The following GPM6B variants were observed in gnomAD, a reference collection of about 807,000 sequenced individuals.
GPM6B encodes neuronal membrane glycoprotein M6-b.
In GPM6B, 4 loss-of-function variants were observed where a neutral mutation model predicts 27.2. That is an observed-to-expected ratio of 0.15 (90% confidence interval 0.07 to 0.34). The LOEUF (loss-of-function observed/expected upper bound fraction) is 0.34. Ranked by LOEUF, GPM6B falls within the 10% of genes least tolerant of loss-of-function variation. The probability of loss-of-function intolerance (pLI) is 1.00; values close to 1 mark genes in which losing one functional copy is unlikely to be tolerated. For missense variants in GPM6B, 183 were observed against 261.9 expected (o/e 0.70, Z 2.08); for synonymous variants, 124 against 103.1 (o/e 1.20, Z -1.23).
chrX:13,819,669 G>A (rs1223778736), upstream of GPM6B, among the ~76,000 whole-genome samples: 1 of 111,735 alleles, frequency 8.9e-6, no homozygotes, highest in Non-Finnish European at 1.9e-5. Context: ...AACCTCCCTA[G>A]TGCCAACATC....
chrX:13,771,734 A>C lies in GPM6B; in HGVS notation c.*1147T>G, dbSNP rs182022757. The C allele has an allele frequency of 1.8e-5, 2 of 112,603 alleles. No individual in the cohort carries two copies. Among genetic ancestry groups the C allele is most frequent in the African/African-American group, 6.4e-5 (2 of 31,023 alleles). The allele number at this position is 112,603 out of a possible 1,213,427, so 9.3% of individuals were successfully genotyped here. On this transcript the variant is annotated 3_prime_UTR_variant, in exon 8 of 8. Transcript: ENST00000316715. ...TCACTTAATGTTCTGGAACACAATA[A>C]TGTAAAAGGCAAGTTTCTTTTGAAA... is the stretch of plus-strand genomic sequence containing the variant.
chrX:13,924,391 C>T (rs1921072289), intron 1 of GPM6B, among the ~76,000 whole-genome samples: 1 of 111,470 alleles, frequency 9.0e-6, no homozygotes, highest in African/African-American at 3.3e-5. Context: ...CCTTGATCTA[C>T]TAGGCTCAAG....
chrX:13,831,177 T>TACACACACACACAC lies in GPM6B; in HGVS notation c.-197-45383_-197-45370dup, dbSNP rs536337642. 5.6e-4 allele frequency among the ~76,000 whole-genome samples: 46 copies of TACACACACACACAC among 81,624 alleles called. 1 individual carries two copies. The highest frequency in any genetic ancestry group is 2.0e-3 in the African/African-American group (43 of 21,291). 70.9% of individuals were successfully genotyped at this position (81,624 alleles called of 115,157 possible). On this transcript the variant is annotated intron_variant, in intron 1 of 6. Transcript: ENST00000398361. The stretch of plus-strand genomic sequence containing the variant: ...AGTAAAGGGATGTAGAAGAGCTCAG[T>TACACACACACACAC]ACACACACACACACACACACACACA...
chrX:13,870,990 C>T (rs1487031469), intron 1 of GPM6B, among the ~76,000 whole-genome samples: 1 of 110,321 alleles, frequency 9.1e-6, no homozygotes, highest in African/African-American at 3.3e-5. Context: ...TCACTTGGGC[C>T]CAGGAGGTTG....
At position 13,789,699 on chromosome X, in the gene GPM6B, C is replaced by T. The variant is rs189648521; in HGVS notation, c.182-3891G>A. ...CTGAGGCAGGAGAATGGCGTGAACC[C>T]GGAAGGCGGAGGGTGCAGTGAGCCG... On this transcript the variant is annotated intron_variant, in intron 2 of 7. Coordinates refer to ENST00000316715, the MANE Select transcript of GPM6B (RefSeq NM_001001995.3). 5.7e-3 allele frequency among the ~76,000 whole-genome samples: 635 copies of T among 111,283 alleles called. 6 individuals are homozygous for T. Among genetic ancestry groups the T allele is most frequent in the African/African-American group, 0.02 (615 of 30,659 alleles).
Position 13,785,755 on chromosome X carries a change from C to A in GPM6B, c.235G>T (p.Val79Leu), listed in dbSNP as rs753788703. 8.3e-7 allele frequency: 1 copy of A among 1,211,144 alleles called. No homozygotes were observed. Residue 79 changes from valine to leucine, a missense_variant, in exon 3 of 8, where the codon GTG becomes TTG. By Grantham distance (32) the Val-to-Leu change is conservative (BLOSUM62 1). Coordinates refer to ENST00000316715, the MANE Select transcript of GPM6B (RefSeq NM_001001995.3). ...CCGGAGAAGCAGAGGATGGTGGCCA[C>A]CAGGGAGGCGTAGGGGACTCCTCCC... ...CLGGVPYASL[V>L]ATILCFSGVA...
chrX:13,874,937 TC>T (rs71876153), intron 1 of GPM6B, among the ~76,000 whole-genome samples: 21,951 of 97,330 alleles, frequency 0.23, 2,163 homozygotes, highest in East Asian at 0.78. Flanking sequence ...CACATACCAA[TC>T]CCCCCCCCAC....
At chrX:13,911,755 C>T (rs1311866300) in intron 1 of GPM6B, among the ~76,000 whole-genome samples, 1 of 112,148 alleles carries the variant, frequency 8.9e-6, no homozygotes, top group African/African-American at 3.2e-5. Context: ...CAAGCTTGAG[C>T]TCTGTGATCT....
chrX:13,907,879 C>T (rs2050344643), intron 1 of GPM6B, among the ~76,000 whole-genome samples: 1 of 111,945 alleles, frequency 8.9e-6, no homozygotes, highest in South Asian at 3.7e-4. Flanking sequence ...ACAGCTTCTC[C>T]GCTTTATCAA....
chrX:13,893,411 C>CA (rs34524225), intron 1 of GPM6B, among the ~76,000 whole-genome samples: 63 of 100,488 alleles, frequency 6.3e-4, no homozygotes, highest in South Asian at 3.2e-3. Flanking sequence ...ACTGAATCTA[C>CA]AAAAAAAAAA....
At chrX:13,855,420 CAACATGCTTG>C (rs2049769379) in intron 1 of GPM6B, among the ~76,000 whole-genome samples, 1 of 110,532 alleles carries the variant, frequency 9.0e-6, no homozygotes, top group African/African-American at 3.3e-5. Flanking sequence ...TTTCAGTCAC[CAACATGCTTG>C]TGAGACTCAT....
At position 13,861,034 on chromosome X, in the gene GPM6B, ACAC is replaced by A. The variant is rs2049841237; in HGVS notation, c.-197-75229_-197-75227del. 8.3e-5 allele frequency among the ~76,000 whole-genome samples: 5 copies of A among 60,161 alleles called. No individual in the cohort carries two copies. The East Asian group carries it at 4.0e-3, about 48-fold the overall frequency. 52.2% of individuals were successfully genotyped at this position (60,161 alleles called of 115,157 possible). A position where few individuals can be genotyped will look rare whatever the true frequency, so the allele number is the denominator to read the frequency against. On this transcript the variant is annotated intron_variant, in intron 1 of 6. Transcript: ENST00000398361. Reference sequence around the variant, plus strand: ...CACACACACACACACACACACACACACACACACACATATATACATATATATACA... The same window carrying A: ...CACACACACACACACACACACACACAACACACATATATACATATATATACA...
chrX:13,932,299 C>A (rs1329234056), intron 1 of GPM6B, among the ~76,000 whole-genome samples: 10 of 111,739 alleles, frequency 8.9e-5, no homozygotes, highest in Admixed American at 7.6e-4. Context: ...GACACCCTGA[C>A]CCCTATCTTC....
chrX:13,848,784 T>C (rs141575177), intron 1 of GPM6B, among the ~76,000 whole-genome samples: 14 of 112,531 alleles, frequency 1.2e-4, no homozygotes, highest in Admixed American at 1.1e-3. Context: ...CAAAAACTTG[T>C]ACATGAATGT....
intron 1 of GPM6B, among the ~76,000 whole-genome samples, chrX:13,841,242 C>A: frequency 8.9e-6 from 1 of 111,962 alleles, no homozygotes; most frequent in South Asian, 3.7e-4. Flanking sequence ...TCTTCCCACT[C>A]CCCAGCAGAT....
intron 1 of GPM6B, among the ~76,000 whole-genome samples, chrX:13,910,344 G>C (rs899311262): frequency 3.6e-5 from 4 of 112,481 alleles, no homozygotes; most frequent in Non-Finnish European, 1.9e-5. Flanking sequence ...CATTTTTAAA[G>C]CTCTCTAGGT....
intron 1 of GPM6B, among the ~76,000 whole-genome samples, chrX:13,911,719 T>C (rs1289985737): frequency 8.9e-6 from 1 of 111,939 alleles, no homozygotes; most frequent in Non-Finnish European, 1.9e-5. Flanking sequence ...TGAAATAAAA[T>C]AACACACCAA....
At chrX:13,836,857 A>G (rs1380805131) in intron 1 of GPM6B, among the ~76,000 whole-genome samples, 1 of 112,695 alleles carries the variant, frequency 8.9e-6, no homozygotes, top group African/African-American at 3.2e-5. Flanking sequence ...ATTATTCTTC[A>G]GTTATAAAAT....
intron 1 of GPM6B, among the ~76,000 whole-genome samples, chrX:13,926,250 T>C (rs1015473379): frequency 7.1e-5 from 7 of 99,242 alleles, no homozygotes; most frequent in Admixed American, 5.6e-4. Context: ...AAAAAAAAAA[T>C]ACAAAAAATT....
Sources: allele counts gnomAD v4.1 joint callset (sites outside exome capture counted in the v4.1 genomes callset), GRCh38; gene constraint gnomAD v4.1.1; transcripts MANE v1.5; gene names NCBI Gene and HGNC (gene_info 2026-07-23, HGNC 2026-07-21).